FOXO3: variants seen among roughly 807,000 people sequenced by gnomAD.
FOXO3 encodes forkhead box O3, also known as forkhead box protein O3.
In FOXO3, 4 loss-of-function variants were observed where a neutral mutation model predicts 41.9. That is an observed-to-expected ratio of 0.10 (90% CI 0.05 to 0.22). The LOEUF (loss-of-function observed/expected upper bound fraction) is 0.22. Among genes scored for constraint, FOXO3 ranks in the 10% least tolerant of loss-of-function variants. The pLI is 1.00. For synonymous variants in FOXO3, 318 were observed against 389.3 expected (o/e 0.82, Z 2.16); for missense variants, 534 against 906.8 (o/e 0.59, Z 5.28).
At chr6:108,591,601 T>A (rs542660801) in intron 1 of FOXO3, among the ~76,000 whole-genome samples, 2 of 152,222 alleles carry the variant, frequency 1.3e-5, no homozygotes, top group Non-Finnish European at 2.9e-5. Context: ...GAAAATTTGC[T>A]TGGATACAGT....
At chr6:108,588,052 C>T (rs1265930413) in intron 1 of FOXO3, among the ~76,000 whole-genome samples, 2 of 152,088 alleles carry the variant, frequency 1.3e-5, no homozygotes, top group African/African-American at 4.8e-5. Flanking sequence ...AAGCTTCCAT[C>T]TAAAAATGAA....
intron 1 of FOXO3, among the ~76,000 whole-genome samples, chr6:108,650,447 A>G (rs1778516297): frequency 6.6e-6 from 1 of 152,168 alleles, no homozygotes; most frequent in African/African-American, 2.4e-5. Flanking sequence ...AGTCTCTTGC[A>G]TGACTGTCCT....
At chr6:108,675,680 G>A (rs1480259356) in intron 2 of FOXO3, among the ~76,000 whole-genome samples, 2 of 152,106 alleles carry the variant, frequency 1.3e-5, no homozygotes, top group African/African-American at 4.8e-5. Context: ...TTTGCTTGTG[G>A]GGCAAACTTT....
chr6:108,653,583 A>G (rs950051364), intron 1 of FOXO3, among the ~76,000 whole-genome samples: 4 of 152,128 alleles, frequency 2.6e-5, no homozygotes, highest in Non-Finnish European at 5.9e-5. Flanking sequence ...TGTTTCATAG[A>G]AAGAGGGTTT....
chr6:108,591,707 A>G (rs1308230103), intron 1 of FOXO3, among the ~76,000 whole-genome samples: 4 of 152,204 alleles, frequency 2.6e-5, no homozygotes, highest in Non-Finnish European at 5.9e-5. Flanking sequence ...TGATTGAGCC[A>G]GTTATTGTAT....
intron 1 of FOXO3, among the ~76,000 whole-genome samples, chr6:108,602,493 ACT>A (rs1355869348): frequency 6.6e-6 from 1 of 152,018 alleles, no homozygotes. Flanking sequence ...GAAGTTTGGG[ACT>A]CTGCAGCTTC....
At chr6:108,675,578 A>T (rs1313518433) in intron 2 of FOXO3, among the ~76,000 whole-genome samples, 1 of 152,200 alleles carries the variant, frequency 6.6e-6, no homozygotes, top group East Asian at 1.9e-4. Flanking sequence ...TAAGTGTTCC[A>T]TATTTAGTCC....
At chr6:108,612,714 C>CT (rs1457361699) in intron 1 of FOXO3, among the ~76,000 whole-genome samples, 1 of 151,920 alleles carries the variant, frequency 6.6e-6, no homozygotes, top group Non-Finnish European at 1.5e-5. Flanking sequence ...TTTTTTCTTC[C>CT]TTTCTAATAT....
At chr6:108,627,298 C>G (rs1482096856) in intron 1 of FOXO3, among the ~76,000 whole-genome samples, 1 of 151,870 alleles carries the variant, frequency 6.6e-6, no homozygotes, top group Non-Finnish European at 1.5e-5. Context: ...AGTGAGAAGC[C>G]CCCTACACTT....
At chr6:108,563,162 T>C (rs893407543) in intron 1 of FOXO3, among the ~76,000 whole-genome samples, 1 of 152,210 alleles carries the variant, frequency 6.6e-6, no homozygotes, top group Admixed American at 6.5e-5. Flanking sequence ...AGCCTGTAGA[T>C]GAAAAAGTTA....
intron 1 of FOXO3, among the ~76,000 whole-genome samples, chr6:108,590,816 A>G (rs911036438): frequency 6.6e-6 from 1 of 152,200 alleles, no homozygotes; most frequent in African/African-American, 2.4e-5. Context: ...AAAATATGCA[A>G]CTTTTCTCAT....
chr6:108,612,727 A>G (rs1029604287), intron 1 of FOXO3, among the ~76,000 whole-genome samples: 3 of 152,012 alleles, frequency 2.0e-5, no homozygotes, highest in African/African-American at 4.8e-5. Context: ...TCTAATATAT[A>G]CTGTATACAC....
intron 1 of FOXO3, among the ~76,000 whole-genome samples, chr6:108,622,142 C>A (rs187108174): frequency 6.1e-4 from 93 of 151,884 alleles, no homozygotes; most frequent in Non-Finnish European, 9.1e-4. Context: ...GCCTGTCATC[C>A]CAGCCACTTG....
At chr6:108,673,301 G>T (rs756350732) in intron 2 of FOXO3, among the ~76,000 whole-genome samples, 48 of 152,208 alleles carry the variant, frequency 3.2e-4, no homozygotes, top group Admixed American at 1.3e-3. Context: ...GCAGGTGCAG[G>T]CCAAGCTGTA....
intron 1 of FOXO3, among the ~76,000 whole-genome samples, chr6:108,562,464 C>G (rs942589000): frequency 2.6e-5 from 4 of 152,100 alleles, no homozygotes; most frequent in Non-Finnish European, 5.9e-5. Flanking sequence ...AGATGTCGCT[C>G]CAGTAAACCT....
intron 1 of FOXO3, among the ~76,000 whole-genome samples, chr6:108,632,367 G>C (rs147681415): frequency 7.9e-5 from 12 of 152,072 alleles, no homozygotes; most frequent in African/African-American, 2.4e-4. Flanking sequence ...TGCCCACGAA[G>C]CCTGTGGCAT....
chr6:108,649,254 T>G (rs1778480660), intron 1 of FOXO3, among the ~76,000 whole-genome samples: 1 of 152,098 alleles, frequency 6.6e-6, no homozygotes, highest in Non-Finnish European at 1.5e-5. Context: ...CTTAGGGATC[T>G]TAAATCATTT....
chr6:108,615,615 T>G (rs1331943948), intron 1 of FOXO3, among the ~76,000 whole-genome samples: 1 of 152,052 alleles, frequency 6.6e-6, no homozygotes, highest in South Asian at 2.1e-4. Flanking sequence ...TTATAGTTTT[T>G]TATAAAAAAA....
rs78691722 is a variant in FOXO3, at chr6:108,651,069, C to T, written c.622-12386C>T. On this transcript the variant is annotated intron_variant, in intron 1 of 2. Transcript: ENST00000406360. ...AAGAAGGCAGTCCCTCGGGAGGCTC[C>T]TCATTAGAGCTGAATTTCAGTGAGG... 1.9e-3 allele frequency among the ~76,000 whole-genome samples: 295 copies of T among 152,328 alleles called. 1 individual carries two copies. The highest frequency in any genetic ancestry group is 6.8e-3 in the African/African-American group (281 of 41,570).
Sources: gnomAD v4.1 joint callset for allele counts (sites outside exome capture counted in the v4.1 genomes callset) on GRCh38, gnomAD v4.1.1 for gene constraint, MANE v1.5 for transcripts, NCBI Gene and HGNC (gene_info 2026-07-23, HGNC 2026-07-21) for gene names.